Variants in TCAIM observed in about 807,000 individuals in gnomAD.
TCAIM encodes T cell activation inhibitor, mitochondrial, also known as T-cell activation inhibitor, mitochondrial.
Under a neutral mutation model 58.6 loss-of-function variants are expected in TCAIM, and 36 were observed. The observed-to-expected ratio is 0.61, with a 90% CI of 0.47 to 0.81. The LOEUF (loss-of-function observed/expected upper bound fraction) is 0.81. Among genes scored for constraint, TCAIM ranks in the 30% least tolerant of loss-of-function variants. TCAIM has a pLI of 0.00. For synonymous variants in TCAIM, 172 were observed against 193.6 expected (o/e 0.89, Z 0.93); for missense variants, 466 against 579.6 (o/e 0.80, Z 2.01).
At chr3:44,370,013 TG>T (rs1386715796) in intron 5 of TCAIM, among the ~76,000 whole-genome samples, 3 of 152,136 alleles carry the variant, frequency 2.0e-5, no homozygotes, top group Admixed American at 2.0e-4. Flanking sequence ...TAAAAAAATC[TG>T]CTATTTTTAG....
chr3:44,395,224 T>G (rs1019268945), intron 6 of TCAIM, among the ~76,000 whole-genome samples: 1 of 151,964 alleles, frequency 6.6e-6, no homozygotes, highest in Non-Finnish European at 1.5e-5. Flanking sequence ...TAATATTCTT[T>G]GAAATTATAT....
In TCAIM at chr3:44,407,639, T is replaced by C; in HGVS notation, c.1448T>C (p.Leu483Pro). Residue 483 changes from leucine to proline, a missense_variant, in exon 11 of 11, where the codon CTT becomes CCT. By Grantham distance (98) the Leu-to-Pro change is moderately conservative. Transcript: ENST00000342649. ...HFYSVMQDGDLCIPWNWKNGE... is the reference protein window; with the variant it reads ...HFYSVMQDGDPCIPWNWKNGE... The stretch of plus-strand genomic sequence containing the variant: ...TACTCTGTTATGCAAGATGGAGACC[T>C]TTGTATTCCTTGGAATTGGAAGAAT... 6.2e-7 allele frequency: 1 copy of C among 1,610,756 alleles called. No individual in the cohort carries two copies. Among genetic ancestry groups the C allele is most frequent in the East Asian group, 2.2e-5 (1 of 44,796 alleles).
chr3:44,352,247 A>G (rs1188466750), intron 1 of TCAIM, among the ~76,000 whole-genome samples: 1 of 152,050 alleles, frequency 6.6e-6, no homozygotes, highest in Non-Finnish European at 1.5e-5. Flanking sequence ...GCTCAATTAC[A>G]TGGGGGAGAA....
rs1702008170 is a variant in TCAIM, at chr3:44,400,604, G to A, written c.1118+17G>A. The A allele has an allele frequency of 6.3e-7, 1 of 1,591,232 alleles. No homozygotes were observed. The highest frequency in any genetic ancestry group is 1.7e-5 in the Admixed American group (1 of 59,672). ...CCTTAACAGGTAAATATCTAAGATA[G>A]AAGGATTACTTTTATTCCTTCGTCT... On this transcript the variant is annotated intron_variant, in intron 9 of 10. Coordinates refer to ENST00000342649, the MANE Select transcript of TCAIM (RefSeq NM_173826.4).
At chr3:44,370,229 A>T (rs1701442665) in intron 5 of TCAIM, among the ~76,000 whole-genome samples, 1 of 152,152 alleles carries the variant, frequency 6.6e-6, no homozygotes, top group African/African-American at 2.4e-5. Context: ...TGGGAGGCCG[A>T]GGCAGGCGGA....
chr3:44,403,162 G>A (rs9864257), intron 10 of TCAIM, among the ~76,000 whole-genome samples: 76,911 of 151,934 alleles, frequency 0.51, 20,252 homozygotes, highest in East Asian at 0.81. Context: ...CCAGCTACTC[G>A]GGAGGCTGAG....
At chr3:44,407,407 T>C in intron 10 of TCAIM, 35 bp from the exon 11 acceptor site, 1 of 1,332,328 alleles carries the variant, frequency 7.5e-7, no homozygotes, top group Admixed American at 2.3e-5. Context: ...ACAATATTTG[T>C]TCTTATGACA....
chr3:44,364,950 A>G (rs189137762), intron 4 of TCAIM, among the ~76,000 whole-genome samples: 72 of 152,280 alleles, frequency 4.7e-4, no homozygotes, highest in African/African-American at 1.7e-3. Context: ...CAAAGCCACA[A>G]AATTCTTCTT....
chr3:44,343,457 G>A (rs951217329), intron 1 of TCAIM, among the ~76,000 whole-genome samples: 1 of 152,120 alleles, frequency 6.6e-6, no homozygotes, highest in African/African-American at 2.4e-5. Context: ...AAAAGTAAAA[G>A]TGAAATTAAT....
chr3:44,393,606 A>G (rs1291855879), intron 6 of TCAIM, among the ~76,000 whole-genome samples: 1 of 152,166 alleles, frequency 6.6e-6, no homozygotes, highest in Non-Finnish European at 1.5e-5. Context: ...TAATATATAA[A>G]AAATAATTAT....
At chr3:44,344,282 C>G in intron 1 of TCAIM, among the ~76,000 whole-genome samples, 1 of 152,266 alleles carries the variant, frequency 6.6e-6, no homozygotes, top group African/African-American at 2.4e-5. Flanking sequence ...CAGGGATGAG[C>G]CACCATACCG....
At chr3:44,350,314 T>G (rs1458925253) in intron 1 of TCAIM, among the ~76,000 whole-genome samples, 2 of 152,172 alleles carry the variant, frequency 1.3e-5, no homozygotes, top group Non-Finnish European at 2.9e-5. Context: ...GAACCACTCA[T>G]TTTCACTTCT....
chr3:44,389,021 G>A (rs572411456), intron 5 of TCAIM, among the ~76,000 whole-genome samples: 1 of 152,330 alleles, frequency 6.6e-6, no homozygotes, highest in South Asian at 2.1e-4. Flanking sequence ...AGCCCGGCCG[G>A]TGGCTTACGC....
intron 5 of TCAIM, among the ~76,000 whole-genome samples, chr3:44,381,609 T>C (rs1052734075): frequency 2.0e-5 from 3 of 152,058 alleles, no homozygotes; most frequent in African/African-American, 7.2e-5. Flanking sequence ...CTTCTATTCA[T>C]CATACTACTG....
intron 6 of TCAIM, among the ~76,000 whole-genome samples, chr3:44,393,363 A>C (rs1701870676): frequency 6.6e-6 from 1 of 152,062 alleles, no homozygotes; most frequent in Admixed American, 6.5e-5. Flanking sequence ...TGGAAGGGTG[A>C]GGCAAGAGGA....
intron 2 of TCAIM, among the ~76,000 whole-genome samples, chr3:44,356,819 A>C (rs1465460838): frequency 6.9e-6 from 1 of 144,454 alleles, no homozygotes; most frequent in East Asian, 2.0e-4. Flanking sequence ...TACAAAAAAA[A>C]AAAAAAAACA....
intron 5 of TCAIM, among the ~76,000 whole-genome samples, chr3:44,381,006 A>G (rs1235073502): frequency 6.6e-6 from 1 of 152,174 alleles, no homozygotes; most frequent in East Asian, 1.9e-4. Flanking sequence ...AACAAAGAAA[A>G]GCCCTGAACT....
At chr3:44,351,472 T>C (rs911307178) in intron 1 of TCAIM, among the ~76,000 whole-genome samples, 1 of 151,984 alleles carries the variant, frequency 6.6e-6, no homozygotes, top group Non-Finnish European at 1.5e-5. Context: ...ATCACCTTTT[T>C]AAATTTATTT....
At chr3:44,383,954 T>G (rs1032362457) in intron 5 of TCAIM, among the ~76,000 whole-genome samples, 2 of 152,094 alleles carry the variant, frequency 1.3e-5, no homozygotes, top group Non-Finnish European at 2.9e-5. Context: ...AATATGTTAG[T>G]GATTACTAAT....
Sources: allele counts gnomAD v4.1 joint callset (sites outside exome capture counted in the v4.1 genomes callset), GRCh38; gene constraint gnomAD v4.1.1; transcripts MANE v1.5; gene names NCBI Gene and HGNC (gene_info 2026-07-23, HGNC 2026-07-21).